The following AMPH variants were observed in gnomAD, a reference collection of about 807,000 sequenced individuals.
The protein encoded by AMPH is amphiphysin.
A neutral mutation model predicts 99.1 loss-of-function variants in AMPH; 49 were observed. The ratio of observed to expected loss-of-function variants is 0.49; its 90% CI spans 0.39 to 0.63. The LOEUF (loss-of-function observed/expected upper bound fraction) is 0.63. Among genes scored for constraint, AMPH ranks in the 20% least tolerant of loss-of-function variants. The pLI is 0.00. For missense variants in AMPH, 759 were observed against 863.4 expected, an observed-to-expected ratio of 0.88 and a Z score of 1.52; for synonymous variants, 314 against 317.3, an observed-to-expected ratio of 0.99 and a Z score of 0.11.
chr7:38,401,781 C>T (rs1481036440), intron 17 of AMPH, among the ~76,000 whole-genome samples: 1 of 152,056 alleles, frequency 6.6e-6, no homozygotes, highest in African/African-American at 2.4e-5. Context: ...TAGTCTCTCC[C>T]CATTAAGTTT....
At chr7:38,467,471 G>A (rs1325546680) in intron 7 of AMPH, among the ~76,000 whole-genome samples, 1 of 152,188 alleles carries the variant, frequency 6.6e-6, no homozygotes, top group African/African-American at 2.4e-5. Context: ...AACTGGGACA[G>A]TAATTCTTAA....
chr7:38,612,447 T>C (rs549357443), intron 1 of AMPH, among the ~76,000 whole-genome samples: 2 of 152,240 alleles, frequency 1.3e-5, no homozygotes, highest in South Asian at 2.1e-4. Context: ...GGAGCTTCAA[T>C]AGAGGGCAAG....
intron 7 of AMPH, among the ~76,000 whole-genome samples, chr7:38,471,126 G>GATCCCT (rs1787867994): frequency 6.6e-6 from 1 of 152,084 alleles, no homozygotes; most frequent in African/African-American, 2.4e-5. Flanking sequence ...AAATGTATCT[G>GATCCCT]ATCCCTATCT....
chr7:38,535,132 ACTT>A (rs2129040596), intron 1 of AMPH, 121 bp from the exon 2 acceptor site: 2 of 781,970 alleles, frequency 2.6e-6, no homozygotes, highest in East Asian at 5.4e-5. Flanking sequence ...AACTATCAGC[ACTT>A]CTAATTTTTC....
chr7:38,453,016 C>T (rs1392200620), intron 11 of AMPH, among the ~76,000 whole-genome samples: 4 of 152,192 alleles, frequency 2.6e-5, no homozygotes, highest in Non-Finnish European at 4.4e-5. Flanking sequence ...CCCTGTTTCA[C>T]TCCCGCTTTT....
intron 12 of AMPH, among the ~76,000 whole-genome samples, chr7:38,433,376 T>C (rs1584084637): frequency 6.6e-6 from 1 of 152,178 alleles, no homozygotes; most frequent in Non-Finnish European, 1.5e-5. Flanking sequence ...GGATCTAATA[T>C]ATGTTTTCTG....
intron 1 of AMPH, among the ~76,000 whole-genome samples, chr7:38,601,608 C>T (rs1327019166): frequency 6.6e-6 from 1 of 152,164 alleles, no homozygotes; most frequent in Non-Finnish European, 1.5e-5. Context: ...CACAGTTCTG[C>T]TCAGTAAATG....
intron 1 of AMPH, among the ~76,000 whole-genome samples, chr7:38,608,956 G>A (rs902432019): frequency 3.9e-5 from 6 of 152,154 alleles, no homozygotes; most frequent in African/African-American, 9.7e-5. Context: ...CTATATGAAC[G>A]TGCTTTACGT....
At chr7:38,487,600 G>A (rs146603607) in intron 5 of AMPH, among the ~76,000 whole-genome samples, 2,005 of 152,140 alleles carry the variant, frequency 0.013, 46 homozygotes, top group African/African-American at 0.045. Context: ...TACCATTCAG[G>A]ACATAGGCAT....
At position 38,572,162 on chromosome 7, in the gene AMPH, C is replaced by T. The variant is rs1792069367; in HGVS notation, c.70-37151G>A. ...TCAGGTGATCCGCCCACTTCAGCCT[C>T]CCAAAGTGCTGGGATTACAGGTGTG... On this transcript the variant is annotated intron_variant, in intron 1 of 20. Transcript: ENST00000356264. Among the ~76,000 whole-genome samples the T allele has an allele frequency of 2.0e-5, 3 of 152,184 alleles. 1 individual carries two copies. The South Asian group carries it at 6.2e-4, about 32-fold the overall frequency.
intron 1 of AMPH, among the ~76,000 whole-genome samples, chr7:38,595,502 G>T (rs150547794): frequency 3.7e-4 from 57 of 152,340 alleles, no homozygotes; most frequent in African/African-American, 1.3e-3. Flanking sequence ...AGAAGTGCAA[G>T]AATCCTCCCA....
intron 1 of AMPH, among the ~76,000 whole-genome samples, chr7:38,556,465 C>T (rs192321209): frequency 3.3e-3 from 510 of 152,288 alleles, no homozygotes; most frequent in Non-Finnish European, 3.1e-3. Context: ...GCCTGACGGG[C>T]TCACTCACCA....
intron 1 of AMPH, among the ~76,000 whole-genome samples, chr7:38,552,415 A>G (rs1791209922): frequency 6.6e-6 from 1 of 152,246 alleles, no homozygotes; most frequent in African/African-American, 2.4e-5. Flanking sequence ...CATATTCCAT[A>G]GGAGTAATTA....
intron 12 of AMPH, 82 bp downstream of exon 12, chr7:38,436,190 A>C: frequency 1.0e-6 from 1 of 972,850 alleles, no homozygotes. Context: ...GTAGTCATGA[A>C]AGGTATAGGG....
At chr7:38,549,768 A>G (rs1408613338) in intron 1 of AMPH, among the ~76,000 whole-genome samples, 1 of 152,240 alleles carries the variant, frequency 6.6e-6, no homozygotes, top group African/African-American at 2.4e-5. Flanking sequence ...AAAATGACCA[A>G]CCATGTTACT....
chr7:38,504,040 C>T (rs1419950327), intron 2 of AMPH, among the ~76,000 whole-genome samples: 1 of 152,204 alleles, frequency 6.6e-6, no homozygotes, highest in Non-Finnish European at 1.5e-5. Flanking sequence ...AACATGGTAG[C>T]CACAAGCCAC....
chr7:38,449,060 A>G (rs1786904125), intron 11 of AMPH, among the ~76,000 whole-genome samples: 1 of 152,108 alleles, frequency 6.6e-6, no homozygotes, highest in South Asian at 2.1e-4. Flanking sequence ...ATGAGGTTCT[A>G]CTCTGACTAG....
chr7:38,599,440 AT>A (rs555547267), intron 1 of AMPH, among the ~76,000 whole-genome samples: 1 of 152,202 alleles, frequency 6.6e-6, no homozygotes, highest in Non-Finnish European at 1.5e-5. Context: ...TTTTCTTAAC[AT>A]TTTCTTTTCA....
At chr7:38,487,704 A>G (rs1788558128) in intron 5 of AMPH, among the ~76,000 whole-genome samples, 1 of 152,212 alleles carries the variant, frequency 6.6e-6, no homozygotes, top group Non-Finnish European at 1.5e-5. Context: ...GCTTCTGCAC[A>G]GCAAAAGAAA....
Sources: gnomAD v4.1 joint callset for allele counts (sites outside exome capture counted in the v4.1 genomes callset) on GRCh38, gnomAD v4.1.1 for gene constraint, MANE v1.5 for transcripts, NCBI Gene and HGNC (gene_info 2026-07-23, HGNC 2026-07-21) for gene names.